Variants in TMEM272 observed in about 807,000 individuals in gnomAD.
TMEM272 encodes the protein long intergenic non-protein coding RNA 282.
TMEM272 carries 8 observed loss-of-function variants against 3.7 expected under a neutral mutation model. That is an observed-to-expected ratio of 2.17 (90% CI 1.27 to 3.91). The LOEUF (loss-of-function observed/expected upper bound fraction) is 3.91. Among genes scored for constraint, TMEM272 ranks in the 30% most tolerant of loss-of-function variants. The pLI, the probability that TMEM272 is intolerant of heterozygous loss-of-function variation, is 0.00. For missense variants in TMEM272, 166 were observed against 91.5 expected, an observed-to-expected ratio of 1.81 and a Z score of -3.32; for synonymous variants, 63 against 39.8, an observed-to-expected ratio of 1.58 and a Z score of -2.20.
the TMEM272 span, among the ~76,000 whole-genome samples, chr13:51,914,283 T>A: frequency 6.6e-6 from 1 of 152,144 alleles, no homozygotes; most frequent in Non-Finnish European, 1.5e-5. Flanking sequence ...AATAACTCGA[T>A]GAGGTGGGTC....
the TMEM272 span, among the ~76,000 whole-genome samples, chr13:51,871,837 CACACACAA>C: frequency 4.9e-4 from 46 of 94,464 alleles, no homozygotes; most frequent in African/African-American, 1.1e-3. Flanking sequence ...CACACACACA[CACACACAA>C]ACAGAGACGC....
the TMEM272 span, among the ~76,000 whole-genome samples, chr13:51,919,192 C>T: frequency 6.6e-6 from 1 of 152,144 alleles, no homozygotes; most frequent in South Asian, 2.1e-4. Flanking sequence ...TGAGCCAATG[C>T]TATAGCTTTA....
chr13:51,828,631 T>C (rs1956147187), intron 2 of TMEM272, among the ~76,000 whole-genome samples: 1 of 152,076 alleles, frequency 6.6e-6, no homozygotes, highest in South Asian at 2.1e-4. Context: ...CCCAAGCATC[T>C]GGTTTGACGC....
At chr13:51,883,982 C>T in the TMEM272 span, among the ~76,000 whole-genome samples, 1 of 152,346 alleles carries the variant, frequency 6.6e-6, no homozygotes, top group Middle Eastern at 3.4e-3. Context: ...AAGTAAAAGT[C>T]TGTGTTGCCC....
the TMEM272 span, among the ~76,000 whole-genome samples, chr13:51,911,862 C>T: frequency 1.4e-4 from 22 of 152,182 alleles, no homozygotes; most frequent in East Asian, 3.7e-3. Flanking sequence ...TCCTCCTCTC[C>T]GACCCACTCC....
Position 51,816,653 on chromosome 13 carries a change from CTGTG to C in TMEM272, c.*94_*97del, listed in dbSNP as rs111925186. 0.012 allele frequency: 6,558 copies of C among 564,036 alleles called. 31 individuals are homozygous for C. The highest frequency in any genetic ancestry group is 0.029 in the African/African-American group (1,514 of 52,628). The allele number at this position is 564,036 out of a possible 1,614,324, so 34.9% of individuals were successfully genotyped here. A position where few individuals can be genotyped will look rare whatever the true frequency, so the allele number is the denominator to read the frequency against. On this transcript the variant is annotated 3_prime_UTR_variant, in exon 5 of 5. Transcript: ENST00000629372. Reference sequence around the variant, plus strand: ...ATTACCTTTATGCCCTTCTCTGAACCTGTGTGTGTGTGTGTGTGTGTGTGCGTCT... The same window carrying C: ...ATTACCTTTATGCCCTTCTCTGAACCTGTGTGTGTGTGTGTGTGTGCGTCT...
chr13:51,863,031 T>C, the TMEM272 span, among the ~76,000 whole-genome samples: 1 of 152,224 alleles, frequency 6.6e-6, no homozygotes, highest in African/African-American at 2.4e-5. Context: ...CGAGGAACTT[T>C]GTCTGGAGGG....
chr13:51,839,911 T>G (rs1956247326), intron 1 of TMEM272, among the ~76,000 whole-genome samples: 1 of 152,204 alleles, frequency 6.6e-6, no homozygotes, highest in African/African-American at 2.4e-5. Flanking sequence ...CTAGGACATG[T>G]CATGCTCAAA....
the TMEM272 span, among the ~76,000 whole-genome samples, chr13:51,903,932 C>T: frequency 3.4e-5 from 1 of 29,082 alleles, no homozygotes; most frequent in Non-Finnish European, 1.2e-4. Context: ...GTTTCTCCAA[C>T]AGTCTTCCAC....
At chr13:51,844,049 C>CGG (rs1956282948) in intron 1 of TMEM272, among the ~76,000 whole-genome samples, 1 of 152,052 alleles carries the variant, frequency 6.6e-6, no homozygotes, top group Non-Finnish European at 1.5e-5. Flanking sequence ...AGGAGCAGGG[C>CGG]AGTCCCCAAC....
chr13:51,850,205 C>T, the TMEM272 span, among the ~76,000 whole-genome samples: 9 of 152,312 alleles, frequency 5.9e-5, no homozygotes, highest in Non-Finnish European at 1.0e-4. Context: ...CTGCTATTAT[C>T]AACTACAATT....
At chr13:51,906,500 G>A in the TMEM272 span, among the ~76,000 whole-genome samples, 6 of 152,238 alleles carry the variant, frequency 3.9e-5, no homozygotes, top group Admixed American at 3.3e-4. Context: ...TGCTTCATGG[G>A]CCCTAAAGTG....
the TMEM272 span, chr13:51,866,161 A>T: frequency 8.6e-7 from 1 of 1,158,832 alleles, no homozygotes; most frequent in Non-Finnish European, 1.2e-6. Flanking sequence ...TGTGCTGGAG[A>T]AAATACACAC....
chr13:51,927,412 C>T, the TMEM272 span, among the ~76,000 whole-genome samples: 3 of 152,074 alleles, frequency 2.0e-5, no homozygotes, highest in Admixed American at 2.0e-4. Context: ...CAAGATTGTT[C>T]TATTTTAATC....
the TMEM272 span, among the ~76,000 whole-genome samples, chr13:51,905,715 CTT>C: frequency 6.6e-6 from 1 of 152,210 alleles, no homozygotes; most frequent in African/African-American, 2.4e-5. Flanking sequence ...CCATGCGACA[CTT>C]AAAAAACTAC....
the TMEM272 span, chr13:51,908,646 C>T: frequency 1.3e-6 from 2 of 1,483,948 alleles, no homozygotes; most frequent in Admixed American, 1.7e-5. Context: ...ATCATTTCCA[C>T]TGGATTCCAT....
the TMEM272 span, among the ~76,000 whole-genome samples, chr13:51,878,247 G>C: frequency 1.3e-5 from 2 of 152,096 alleles, 1 homozygote; most frequent in Middle Eastern, 6.3e-3. Flanking sequence ...TGGCTAACAT[G>C]GTGAAACCCT....
At chr13:51,853,340 G>T in the TMEM272 span, among the ~76,000 whole-genome samples, 1 of 152,094 alleles carries the variant, frequency 6.6e-6, no homozygotes, top group Admixed American at 6.6e-5. Context: ...AACCTGGGAG[G>T]CAGAGGTTGC....
the TMEM272 span, among the ~76,000 whole-genome samples, chr13:51,910,823 C>G: frequency 2.0e-5 from 3 of 152,356 alleles, no homozygotes; most frequent in South Asian, 6.2e-4. Context: ...CCACCCCAGC[C>G]CCCTTGTTAC....
Sources: gnomAD v4.1 joint callset for allele counts (sites outside exome capture counted in the v4.1 genomes callset) on GRCh38, gnomAD v4.1.1 for gene constraint, MANE v1.5 for transcripts, NCBI Gene and HGNC (gene_info 2026-07-23, HGNC 2026-07-21) for gene names.